The following CDH2 variants were observed in gnomAD, a reference collection of about 807,000 sequenced individuals.
CDH2 encodes cadherin-2.
In CDH2, 17 loss-of-function variants were observed where a neutral mutation model predicts 92.0. That is an observed-to-expected ratio of 0.18 (90% confidence interval 0.13 to 0.28). CDH2 has a LOEUF of 0.28. Ranked by LOEUF, CDH2 falls within the 10% of genes least tolerant of loss-of-function variation. The pLI, the probability that CDH2 is intolerant of heterozygous loss-of-function variation, is 1.00. For missense variants in CDH2, 862 were observed against 1,133.1 expected (o/e 0.76, Z 3.44); for synonymous variants, 419 against 415.9 (o/e 1.01, Z -0.09).
chr18:28,099,714 G>A (rs2015195861), intron 2 of CDH2, among the ~76,000 whole-genome samples: 1 of 151,884 alleles, frequency 6.6e-6, no homozygotes, highest in Admixed American at 6.6e-5. Flanking sequence ...AAGAAAACAA[G>A]GCCATGGAAG....
At chr18:28,051,475 TGTATAAG>T (rs1567979496) in intron 2 of CDH2, among the ~76,000 whole-genome samples, 1 of 152,186 alleles carries the variant, frequency 6.6e-6, no homozygotes, top group African/African-American at 2.4e-5. Context: ...GGAAATGCAG[TGTATAAG>T]GTAAGAGAAA....
intron 2 of CDH2, among the ~76,000 whole-genome samples, chr18:28,091,315 A>T (rs2144211940): frequency 6.6e-6 from 1 of 152,320 alleles, no homozygotes; most frequent in South Asian, 2.1e-4. Context: ...CAGAAATGGG[A>T]AGAAAATGAA....
At chr18:28,128,973 C>G (rs1301925408) in intron 2 of CDH2, among the ~76,000 whole-genome samples, 2 of 152,180 alleles carry the variant, frequency 1.3e-5, no homozygotes. Context: ...AATATGTAAA[C>G]TACTTTCAGA....
chr18:27,967,501 C>T (rs2011559216), intron 14 of CDH2, among the ~76,000 whole-genome samples: 1 of 152,130 alleles, frequency 6.6e-6, no homozygotes, highest in South Asian at 2.1e-4. Context: ...AGATTATAAA[C>T]AATCCAAAAA....
chr18:28,175,009 T>C (rs1172815809), intron 1 of CDH2, among the ~76,000 whole-genome samples: 1 of 152,190 alleles, frequency 6.6e-6, no homozygotes, highest in Non-Finnish European at 1.5e-5. Flanking sequence ...TTGTCTTGCC[T>C]TCCATTTAAC....
Position 28,177,081 on chromosome 18 carries a change from C to CGGCGGCGGCGGCGGCGGCGGCGGA in CDH2, c.-60_-59insTCCGCCGCCGCCGCCGCCGCCGCC. Reference sequence around the variant, plus strand: ...GAGGCGGCGGCGGCGGCGGCGGCGGCGGAGGAGGAGGAGGCAGCGGCAGCA... The same window carrying CGGCGGCGGCGGCGGCGGCGGCGGA: ...GAGGCGGCGGCGGCGGCGGCGGCGGCGGCGGCGGCGGCGGCGGCGGCGGAGGAGGAGGAGGAGGCAGCGGCAGCA... On this transcript the variant is annotated 5_prime_UTR_variant, in exon 1 of 16. Coordinates refer to ENST00000269141, the MANE Select transcript of CDH2 (RefSeq NM_001792.5). 9.5e-7 allele frequency: 1 copy of CGGCGGCGGCGGCGGCGGCGGCGGA among 1,053,200 alleles called. No individual in the cohort carries two copies. Among genetic ancestry groups the CGGCGGCGGCGGCGGCGGCGGCGGA allele is most frequent in the Non-Finnish European group, 1.3e-6 (1 of 766,480 alleles). 65.2% of individuals were successfully genotyped at this position (1,053,200 alleles called of 1,614,324 possible).
At chr18:28,120,767 T>C (rs187731393) in intron 2 of CDH2, among the ~76,000 whole-genome samples, 10 of 152,198 alleles carry the variant, frequency 6.6e-5, no homozygotes, top group African/African-American at 2.4e-4. Context: ...AGAACAGTAT[T>C]GAAGAAACAC....
In CDH2 at chr18:27,951,868, C is replaced by T; in HGVS notation, c.*285G>A. 1.3e-5 allele frequency: 5 copies of T among 387,248 alleles called. No individual in the cohort carries two copies. Among genetic ancestry groups the T allele is most frequent in the Non-Finnish European group, 2.4e-5 (5 of 208,074 alleles). 24.0% of individuals were successfully genotyped at this position (387,248 alleles called of 1,614,324 possible). ...TTTCAGAAATCAGTACCATTAAAGC[C>T]TTAAACAGAAAACTAATTCCAATCT... On this transcript the variant is annotated 3_prime_UTR_variant, in exon 16 of 16. Transcript: ENST00000269141.
intron 15 of CDH2, among the ~76,000 whole-genome samples, chr18:27,957,721 T>A (rs11083239): frequency 0.26 from 39,416 of 151,998 alleles, 5,296 homozygotes; most frequent in East Asian, 0.45. Context: ...CTGCTCAGCA[T>A]CCTCTTCATA....
At chr18:28,043,468 AT>A (rs1276349691) in intron 2 of CDH2, among the ~76,000 whole-genome samples, 1 of 58,236 alleles carries the variant, frequency 1.7e-5, no homozygotes, top group Non-Finnish European at 3.1e-5. Flanking sequence ...ATAAATATAT[AT>A]ATATATATAT....
chr18:27,975,483 G>A (rs1162112290), intron 14 of CDH2, among the ~76,000 whole-genome samples: 5 of 152,328 alleles, frequency 3.3e-5, no homozygotes, highest in East Asian at 3.9e-4. Flanking sequence ...GGGAGGGAGC[G>A]CACAGGTGAG....
chr18:28,099,348 T>C (rs1016168045), intron 2 of CDH2, among the ~76,000 whole-genome samples: 1 of 152,156 alleles, frequency 6.6e-6, no homozygotes, highest in Non-Finnish European at 1.5e-5. Context: ...AGAATGCAGG[T>C]CAAGAGGACT....
intron 2 of CDH2, among the ~76,000 whole-genome samples, chr18:28,027,240 C>G (rs772867075): frequency 1.3e-5 from 2 of 151,554 alleles, no homozygotes; most frequent in Non-Finnish European, 2.9e-5. Context: ...TGACCTACAA[C>G]AAGACAGTAA....
At chr18:27,940,194 C>T (rs1909104829) in intron 6 of CDH2, among the ~76,000 whole-genome samples, 1 of 152,186 alleles carries the variant, frequency 6.6e-6, no homozygotes, top group East Asian at 1.9e-4. Flanking sequence ...TCCTTTGGAG[C>T]CCATCCTGGG....
At chr18:28,145,468 T>C (rs2016021294) in intron 2 of CDH2, among the ~76,000 whole-genome samples, 1 of 152,108 alleles carries the variant, frequency 6.6e-6, no homozygotes, top group Non-Finnish European at 1.5e-5. Flanking sequence ...GTACATGAAT[T>C]TACTGCAGTA....
At chr18:27,955,305 G>A (rs545261173) in intron 15 of CDH2, among the ~76,000 whole-genome samples, 2 of 147,874 alleles carry the variant, frequency 1.4e-5, no homozygotes, top group East Asian at 2.0e-4. Flanking sequence ...ACCATGGCAC[G>A]TGTATACCTA....
intron 2 of CDH2, among the ~76,000 whole-genome samples, chr18:28,126,007 A>T (rs1238049218): frequency 6.6e-6 from 1 of 152,224 alleles, no homozygotes; most frequent in South Asian, 2.1e-4. Context: ...GGTCAATTGC[A>T]TTATCTAATA....
chr18:28,011,780 G>C (rs2013107075), intron 4 of CDH2, 66 bp downstream of exon 4: 3 of 1,467,238 alleles, frequency 2.0e-6, no homozygotes, highest in Admixed American at 3.9e-5. Flanking sequence ...AAAAAAAATA[G>C]ACAGAAATAT....
intron 6 of CDH2, among the ~76,000 whole-genome samples, chr18:27,934,712 A>G (rs1010502103): frequency 4.8e-5 from 6 of 124,110 alleles, no homozygotes; most frequent in Non-Finnish European, 9.9e-5. Flanking sequence ...GTAATTAATT[A>G]AATTAACTAA....
Sources: gnomAD v4.1 joint callset for allele counts (sites outside exome capture counted in the v4.1 genomes callset) on GRCh38, gnomAD v4.1.1 for gene constraint, MANE v1.5 for transcripts, NCBI Gene and HGNC (gene_info 2026-07-23, HGNC 2026-07-21) for gene names.